The following RIT2 variants were observed in gnomAD, a reference collection of about 807,000 sequenced individuals.
The protein encoded by RIT2 is Ras like without CAAX 2, also known as GTP-binding protein Rit2.
Under a neutral mutation model 23.7 loss-of-function variants are expected in RIT2, and 24 were observed. The ratio of observed to expected loss-of-function variants is 1.01; its 90% confidence interval spans 0.73 to 1.43. RIT2 has a LOEUF of 1.43. Ranked by LOEUF, RIT2 falls within the 40% of genes most tolerant of loss-of-function variation. RIT2 has a pLI of 0.00. For missense variants in RIT2, 236 were observed against 266.9 expected (o/e 0.88, Z 0.81); for synonymous variants, 107 against 91.1 (o/e 1.17, Z -0.99).
chr18:42,764,797 A>G (rs1445746662), intron 4 of RIT2, among the ~76,000 whole-genome samples: 1 of 152,244 alleles, frequency 6.6e-6, no homozygotes, highest in African/African-American at 2.4e-5. Flanking sequence ...TTCACTAAGC[A>G]TGTGCCATCT....
chr18:42,873,654 C>A (rs936747569), intron 4 of RIT2, among the ~76,000 whole-genome samples: 2 of 151,880 alleles, frequency 1.3e-5, no homozygotes, highest in Non-Finnish European at 2.9e-5. Flanking sequence ...TACATTAACA[C>A]GGAAGAAACA....
At chr18:43,031,895 C>T (rs766512299) in intron 2 of RIT2, among the ~76,000 whole-genome samples, 1 of 151,974 alleles carries the variant, frequency 6.6e-6, no homozygotes, top group Non-Finnish European at 1.5e-5. Flanking sequence ...TGTACTAATA[C>T]GAATTTCCTC....
intron 1 of RIT2, among the ~76,000 whole-genome samples, chr18:43,035,517 C>G (rs2144286353): frequency 6.6e-6 from 1 of 152,254 alleles, no homozygotes; most frequent in Middle Eastern, 3.4e-3. Context: ...CTCTTCTCAC[C>G]TACACCTAAA....
chr18:43,078,295 C>G (rs1372338536), intron 1 of RIT2, among the ~76,000 whole-genome samples: 2 of 152,176 alleles, frequency 1.3e-5, no homozygotes, highest in African/African-American at 4.8e-5. Flanking sequence ...GAGCCTGTCC[C>G]CACTCTGACC....
chr18:43,077,321 C>T (rs1242979045), intron 1 of RIT2, among the ~76,000 whole-genome samples: 1 of 152,112 alleles, frequency 6.6e-6, no homozygotes, highest in African/African-American at 2.4e-5. Flanking sequence ...ATAAAGAAAT[C>T]CATCTATTAG....
At chr18:42,821,416 G>A (rs1356583761) in intron 4 of RIT2, among the ~76,000 whole-genome samples, 1 of 152,120 alleles carries the variant, frequency 6.6e-6, no homozygotes, top group Non-Finnish European at 1.5e-5. Context: ...TTCATGCTGT[G>A]AAAATGTGGA....
chr18:43,032,920 A>G (rs140706711), intron 2 of RIT2, among the ~76,000 whole-genome samples: 1 of 152,130 alleles, frequency 6.6e-6, no homozygotes, highest in Non-Finnish European at 1.5e-5. Context: ...AAACTAGATG[A>G]TCTTACCCAT....
chr18:42,932,027 G>C (rs1909338268), intron 3 of RIT2, among the ~76,000 whole-genome samples: 1 of 151,926 alleles, frequency 6.6e-6, no homozygotes, highest in Non-Finnish European at 1.5e-5. Context: ...ATTACTATTT[G>C]GTTCCTCCTT....
chr18:42,764,550 T>C (rs867346449), intron 4 of RIT2, among the ~76,000 whole-genome samples: 10 of 152,218 alleles, frequency 6.6e-5, no homozygotes, highest in Admixed American at 6.5e-5. Context: ...ACCTCCACTG[T>C]CTTTGAAGTG....
rs376236893 is a variant in RIT2 at position 42,931,750 on chromosome 18, T to C, written c.235-7987A>G. ...GTGTCTTGGAAGAAGCCAGCATAAC[T>C]GTGTTGTGAAAGGATTTCATCTACT... On this transcript the variant is annotated intron_variant, in intron 3 of 4. Transcript: ENST00000326695. 1.1e-3 allele frequency among the ~76,000 whole-genome samples: 171 copies of C among 152,256 alleles called. 1 individual carries two copies. The highest frequency in any genetic ancestry group is 3.7e-3 in the African/African-American group (153 of 41,560).
intron 1 of RIT2, among the ~76,000 whole-genome samples, chr18:43,039,047 G>A (rs138123161): frequency 0.012 from 1,797 of 152,194 alleles, 35 homozygotes; most frequent in African/African-American, 0.039. Context: ...ACATCTTGAA[G>A]ATGAATACCA....
chr18:43,065,279 T>G (rs1225384017), intron 1 of RIT2, among the ~76,000 whole-genome samples: 20 of 139,512 alleles, frequency 1.4e-4, no homozygotes, highest in African/African-American at 3.7e-4. Context: ...CAGGTTGGAG[T>G]GCAGTGTGGC....
intron 4 of RIT2, among the ~76,000 whole-genome samples, chr18:42,852,752 A>C: frequency 6.6e-6 from 1 of 150,660 alleles, no homozygotes; most frequent in East Asian, 2.0e-4. Context: ...TTGTTTTCAG[A>C]ATTTCTTCTT....
At chr18:43,106,459 C>T (rs1200223152) in intron 1 of RIT2, among the ~76,000 whole-genome samples, 1 of 152,242 alleles carries the variant, frequency 6.6e-6, no homozygotes, top group Non-Finnish European at 1.5e-5. Context: ...ACCACAACTT[C>T]TCTAACTATA....
At chr18:42,775,608 A>G (rs1391907448) in intron 4 of RIT2, among the ~76,000 whole-genome samples, 1 of 151,958 alleles carries the variant, frequency 6.6e-6, no homozygotes, top group Non-Finnish European at 1.5e-5. Flanking sequence ...GAGGCAGGAG[A>G]ATGGCGTGAA....
chr18:42,943,763 C>T (rs1361847378), intron 3 of RIT2, among the ~76,000 whole-genome samples: 1 of 151,986 alleles, frequency 6.6e-6, no homozygotes, highest in African/African-American at 2.4e-5. Context: ...TCAAAGTTTC[C>T]AAGAACCTGT....
chr18:42,846,400 AGTAT>A (rs1906910314), intron 4 of RIT2, among the ~76,000 whole-genome samples: 1 of 152,010 alleles, frequency 6.6e-6, no homozygotes, highest in Non-Finnish European at 1.5e-5. Flanking sequence ...CATGAATTTG[AGTAT>A]GTATTTATTA....
intron 4 of RIT2, among the ~76,000 whole-genome samples, chr18:42,916,171 G>C (rs1293308107): frequency 1.3e-5 from 2 of 152,048 alleles, no homozygotes; most frequent in African/African-American, 2.4e-5. Flanking sequence ...CCAGAACTAG[G>C]ATGGGGCCTG....
intron 4 of RIT2, among the ~76,000 whole-genome samples, chr18:42,871,057 A>G (rs1431086849): frequency 6.6e-6 from 1 of 152,168 alleles, no homozygotes; most frequent in African/African-American, 2.4e-5. Flanking sequence ...GATGACCTAC[A>G]TCGTGCACTG....
Sources: allele counts gnomAD v4.1 joint callset (sites outside exome capture counted in the v4.1 genomes callset), GRCh38; gene constraint gnomAD v4.1.1; transcripts MANE v1.5; gene names NCBI Gene and HGNC (gene_info 2026-07-23, HGNC 2026-07-21).